Variants in GAPVD1 observed in about 807,000 individuals in gnomAD.
GAPVD1 encodes the protein GTPase activating protein and VPS9 domains 1.
A neutral mutation model predicts 155.5 loss-of-function variants in GAPVD1; 35 were observed. That is an observed-to-expected ratio of 0.23 (90% confidence interval 0.17 to 0.30). The LOEUF (loss-of-function observed/expected upper bound fraction) is 0.30. GAPVD1 is among the 10% of genes least tolerant of loss of function. GAPVD1 has a pLI of 1.00. For synonymous variants in GAPVD1, 636 were observed against 619.7 expected, an observed-to-expected ratio of 1.03 and a Z score of -0.39; for missense variants, 1,429 against 1,775.7, an observed-to-expected ratio of 0.80 and a Z score of 3.51.
intron 12 of GAPVD1, among the ~76,000 whole-genome samples, chr9:125,327,724 G>A (rs1845404890): frequency 6.6e-6 from 1 of 152,030 alleles, no homozygotes; most frequent in South Asian, 2.1e-4. Flanking sequence ...GGCTGGTCTC[G>A]AACTCCTGAC....
chr9:125,323,533 C>T (rs1231205090), intron 10 of GAPVD1, among the ~76,000 whole-genome samples: 1 of 152,118 alleles, frequency 6.6e-6, no homozygotes, highest in Non-Finnish European at 1.5e-5. Flanking sequence ...TCTCGATCTC[C>T]TGACCTCATG....
intron 15 of GAPVD1, among the ~76,000 whole-genome samples, chr9:125,336,161 A>AT (rs1352647763): frequency 6.6e-6 from 1 of 151,584 alleles, no homozygotes; most frequent in Non-Finnish European, 1.5e-5. Flanking sequence ...AAAAAAAAAA[A>AT]GCCTGAGACC....
chr9:125,263,891 G>A, intron 1 of GAPVD1: 2 of 1,427,950 alleles, frequency 1.4e-6, no homozygotes, highest in Non-Finnish European at 2.0e-6. Flanking sequence ...ACCCTCATTG[G>A]TAAGGTACCA....
chr9:125,267,061 G>GT (rs894621573), intron 1 of GAPVD1, among the ~76,000 whole-genome samples: 2 of 152,050 alleles, frequency 1.3e-5, no homozygotes, highest in African/African-American at 2.4e-5. Context: ...GGCAGGCTTT[G>GT]TTTTTTTGTA....
intron 9 of GAPVD1, among the ~76,000 whole-genome samples, chr9:125,317,575 A>C (rs1843633521): frequency 6.7e-6 from 1 of 149,006 alleles, no homozygotes; most frequent in African/African-American, 2.5e-5. Flanking sequence ...TGGTGAGCTG[A>C]GATTGTGCTG....
intron 25 of GAPVD1, 86 bp from the exon 26 acceptor site, chr9:125,359,334 C>A: frequency 1.3e-6 from 1 of 791,090 alleles, no homozygotes; most frequent in Non-Finnish European, 2.3e-6. Flanking sequence ...ACATGTTTCA[C>A]GTGTTTTGTA....
intron 27 of GAPVD1, among the ~76,000 whole-genome samples, chr9:125,361,954 T>G (rs1473410821): frequency 6.6e-6 from 1 of 152,184 alleles, no homozygotes; most frequent in Non-Finnish European, 1.5e-5. Flanking sequence ...ACCTGAACAC[T>G]TAGCTTGGAG....
At chr9:125,298,777 C>T (rs1043616585) in intron 3 of GAPVD1, 113 bp from the exon 4 acceptor site, 4 of 542,250 alleles carry the variant, frequency 7.4e-6, no homozygotes, top group African/African-American at 1.9e-5. Flanking sequence ...CATGAGCCAC[C>T]GCGCCTGCCC....
At chr9:125,301,743 C>T (rs1311126487) in intron 4 of GAPVD1, among the ~76,000 whole-genome samples, 2 of 152,092 alleles carry the variant, frequency 1.3e-5, no homozygotes, top group Non-Finnish European at 2.9e-5. Flanking sequence ...AGCCACCGCA[C>T]CCAGCCCCAA....
rs115951130 is a variant in GAPVD1, at chr9:125,353,816, A to G, written c.3570-838A>G. On this transcript the variant is annotated intron_variant, in intron 23 of 27. Transcript: ENST00000297933. ...ATGATTCAATTCCCTCCCACAACAC[A>G]TGGAAATTCAAGATGAGATGTGGGT... 2.6e-3 allele frequency among the ~76,000 whole-genome samples: 392 copies of G among 152,324 alleles called. 1 individual carries two copies. The highest frequency in any genetic ancestry group is 4.0e-3 in the Non-Finnish European group (273 of 68,024).
Position 125,337,047 on chromosome 9 carries a change from C to G in GAPVD1, c.2458C>G (p.Gln820Glu). ...CCACCAGCTGACCTCTCCTCCTTCT[C>G]AGTCAGAGTCTCTGCTGGCCATGTT... ...GAHQLTSPPS[Q>E]SESLLAMFDP... The change falls in exon 16 of 28, where the codon CAG (glutamine) becomes GAG (glutamate). Residue 820 changes from glutamine (Q) to glutamate (E), a missense_variant. By Grantham distance (29) the Gln-to-Glu change is conservative (BLOSUM62 2). Coordinates refer to ENST00000297933, the MANE Select transcript of GAPVD1 (RefSeq NM_001282680.3). The G allele has an allele frequency of 6.2e-7, 1 of 1,612,916 alleles. No individual in the cohort carries two copies. The highest frequency in any genetic ancestry group is 8.5e-7 in the Non-Finnish European group (1 of 1,178,886).
intron 17 of GAPVD1, among the ~76,000 whole-genome samples, chr9:125,340,166 G>GA (rs1362363773): frequency 1.3e-5 from 2 of 152,080 alleles, no homozygotes; most frequent in Admixed American, 6.5e-5. Context: ...GATTATAGGC[G>GA]AGCACCACCA....
chr9:125,327,379 G>T (rs1012010563), intron 12 of GAPVD1, among the ~76,000 whole-genome samples: 22 of 152,034 alleles, frequency 1.4e-4, no homozygotes, highest in Non-Finnish European at 2.5e-4. Context: ...TTAGGTTCAG[G>T]GGGTACATGT....
chr9:125,263,447 CA>C (rs1310296758), intron 1 of GAPVD1: 1 of 565,010 alleles, frequency 1.8e-6, no homozygotes, highest in Non-Finnish European at 3.2e-6. Context: ...GACTCCGTCT[CA>C]AAAAACAAAA....
intron 1 of GAPVD1, among the ~76,000 whole-genome samples, chr9:125,263,353 G>C (rs1833271867): frequency 6.6e-6 from 1 of 152,204 alleles, no homozygotes; most frequent in South Asian, 2.1e-4. Context: ...GGAGGCTGAG[G>C]CAAGAGAATC....
At chr9:125,293,455 C>G (rs1432029888) in intron 2 of GAPVD1, among the ~76,000 whole-genome samples, 1 of 134,796 alleles carries the variant, frequency 7.4e-6, no homozygotes, top group Admixed American at 7.7e-5. Context: ...AGAGAAATGG[C>G]TTTTTTTTTT....
chr9:125,291,641 G>A (rs1484543366), intron 2 of GAPVD1, among the ~76,000 whole-genome samples: 1 of 152,084 alleles, frequency 6.6e-6, no homozygotes, highest in Admixed American at 6.6e-5. Flanking sequence ...TAGGTGGTAT[G>A]GTTTAATGAA....
At chr9:125,358,262 T>A (rs1474384438) in intron 25 of GAPVD1, among the ~76,000 whole-genome samples, 1 of 152,070 alleles carries the variant, frequency 6.6e-6, no homozygotes, top group Admixed American at 6.6e-5. Context: ...CATGGCACCA[T>A]GCCCAGCTAA....
chr9:125,321,558 T>C lies in GAPVD1; in HGVS notation c.1728T>C (p.Ser576=), dbSNP rs773858096. ...GCAGTGATAATCTGGAAGGAATATC[T>C]GAAGGTGAAGGGTTACTTCATTCAA... is the stretch of plus-strand genomic sequence containing the variant. The part of the protein sequence containing the change: ...SLCSDNLEGI[S]EGPSNRSNSV... Residue 576 remains serine, a synonymous_variant, in exon 10 of 28, where the codon TCT becomes TCC. Coordinates refer to ENST00000297933, the MANE Select transcript of GAPVD1 (RefSeq NM_001282680.3). 1.2e-6 allele frequency: 2 copies of C among 1,612,890 alleles called. No homozygotes were observed. Among genetic ancestry groups the C allele is most frequent in the African/African-American group, 2.7e-5 (2 of 75,020 alleles).
Sources: allele counts gnomAD v4.1 joint callset (sites outside exome capture counted in the v4.1 genomes callset), GRCh38; gene constraint gnomAD v4.1.1; transcripts MANE v1.5; gene names NCBI Gene and HGNC (gene_info 2026-07-23, HGNC 2026-07-21).